Variants in PECAM1 observed in about 807,000 individuals in gnomAD.
PECAM1 encodes platelet endothelial cell adhesion molecule.
A neutral mutation model predicts 13.8 loss-of-function variants in PECAM1; 8 were observed. The observed-to-expected ratio is 0.58, with a 90% CI of 0.34 to 1.05. The LOEUF is 1.05. Among genes scored for constraint, PECAM1 ranks in the 50% least tolerant of loss-of-function variants. PECAM1 has a pLI of 0.03. For synonymous variants in PECAM1, 136 were observed against 52.6 expected, an observed-to-expected ratio of 2.58 and a Z score of -6.86; for missense variants, 304 against 141.2, an observed-to-expected ratio of 2.15 and a Z score of -5.84.
chr17:64,372,244 T>C (rs1204787485), intron 4 of PECAM1, among the ~76,000 whole-genome samples: 2 of 152,054 alleles, frequency 1.3e-5, no homozygotes, highest in African/African-American at 4.8e-5. Context: ...CCCTAATCTC[T>C]ATTTAAAAAA....
chr17:64,337,216 A>G (rs2035303696), intron 14 of PECAM1, among the ~76,000 whole-genome samples: 1 of 152,162 alleles, frequency 6.6e-6, no homozygotes, highest in Non-Finnish European at 1.5e-5. Context: ...TGGGCAGGTT[A>G]GAGACCTGGC....
intron 5 of PECAM1, among the ~76,000 whole-genome samples, chr17:64,368,508 C>T (rs1196760326): frequency 2.6e-5 from 4 of 152,066 alleles, no homozygotes; most frequent in Non-Finnish European, 4.4e-5. Context: ...ATAAAGTGGA[C>T]ATTCTTATGC....
At position 64,322,377 on chromosome 17, in the gene PECAM1, T is replaced by C; in HGVS notation, c.*1439A>G. The C allele has an allele frequency of 1.2e-5, 12 of 979,304 alleles. No individual in the cohort carries two copies. The highest frequency in any genetic ancestry group is 1.5e-5 in the Non-Finnish European group (12 of 824,024). 60.7% of individuals were successfully genotyped at this position (979,304 alleles called of 1,614,324 possible). A position where few individuals can be genotyped will look rare whatever the true frequency, so the allele number is the denominator to read the frequency against. ...GTCCAGCCCGGGCAACAAGAGCGAA[T>C]CTCCGTCTCAAAACAACAAAACAAA... On this transcript the variant is annotated 3_prime_UTR_variant, in exon 16 of 16. Coordinates refer to ENST00000563924, the MANE Select transcript of PECAM1 (RefSeq NM_000442.5).
At chr17:64,334,726 C>G (rs1405592922) in intron 14 of PECAM1, among the ~76,000 whole-genome samples, 24 of 152,124 alleles carry the variant, frequency 1.6e-4, no homozygotes, top group Non-Finnish European at 2.4e-4. Context: ...CCAGGATGGT[C>G]TCGATCTCCT....
chr17:64,349,192 A>C (rs951629775), intron 12 of PECAM1, among the ~76,000 whole-genome samples: 1 of 152,224 alleles, frequency 6.6e-6, no homozygotes, highest in Non-Finnish European at 1.5e-5. Context: ...AAGCTAGAAA[A>C]GTAGTTTGTC....
chr17:64,356,310 T>C lies in PECAM1; in HGVS notation c.1581A>G (p.Glu527=), dbSNP rs1447194356. 3 of 474,412 alleles carry C rather than the reference T, an allele frequency of 6.3e-6. No individual in the cohort carries two copies. The highest frequency in any genetic ancestry group is 6.0e-5 in the African/African-American group (3 of 50,378). The allele number at this position is 474,412 out of a possible 1,614,324, so 29.4% of individuals were successfully genotyped here. ...EDIVLQCAVN[E]GSGPITYKFY... is the part of the protein sequence containing the mutation. ...ACTTATAGGTGATGGGACCAGATCC[T>C]TCATTCACAGCACATTGCAGCACAA... The change falls in exon 8 of 16, where the codon GAA becomes GAG. Residue 527 remains glutamate, a synonymous_variant. Transcript: ENST00000563924.
intron 11 of PECAM1, among the ~76,000 whole-genome samples, chr17:64,351,890 C>A (rs1019296275): frequency 1.3e-5 from 2 of 152,186 alleles, no homozygotes; most frequent in Non-Finnish European, 2.9e-5. Context: ...GCTGAGCTGA[C>A]CCTGAAGCTA....
chr17:64,339,054 C>T (rs1436237964), intron 14 of PECAM1, among the ~76,000 whole-genome samples: 5 of 152,154 alleles, frequency 3.3e-5, no homozygotes, highest in African/African-American at 1.2e-4. Flanking sequence ...CCCTAGAATC[C>T]ACACTAAGGT....
rs1418541135 is a variant in PECAM1, at chr17:64,360,381, G to A, written c.1251C>T (p.Ala417=). 10 of 475,144 alleles carry A rather than the reference G, an allele frequency of 2.1e-5. No individual in the cohort carries two copies. Among genetic ancestry groups the A allele is most frequent in the African/African-American group, 2.0e-4 (10 of 50,474 alleles). The allele number at this position is 475,144 out of a possible 1,614,324, so 29.4% of individuals were successfully genotyped here. The stretch of plus-strand genomic sequence containing the variant: ...TCTGTCCTTTTATGACCTCAAACTG[G>A]GCATCATAAGAAATCCTGGGCTGGG... ...MLSQPRISYD[A]QFEVIKGQTI... Residue 417 remains alanine (A), a synonymous_variant, in exon 7 of 16, where the codon GCC becomes GCT. Transcript: ENST00000563924.
intron 2 of PECAM1, among the ~76,000 whole-genome samples, chr17:64,384,556 C>A (rs907534368): frequency 1.1e-4 from 16 of 152,210 alleles, no homozygotes; most frequent in Non-Finnish European, 1.3e-4. Flanking sequence ...GGAATGCCAG[C>A]AGTCATAGCA....
In PECAM1 at chr17:64,348,337, C is replaced by T. The variant is rs2035632607; in HGVS notation, c.2045-15G>A. The T allele has an allele frequency of 6.3e-6, 3 of 475,044 alleles. No individual in the cohort carries two copies. Among genetic ancestry groups the T allele is most frequent in the South Asian group, 6.7e-5 (1 of 14,884 alleles). The allele number at this position is 475,044 out of a possible 1,614,324, so 29.4% of individuals were successfully genotyped here. ...GTTCAGAGGCTCTGCTCAAAGAAAC[C>T]ACAGCAGCTTGTTGTTTAGGTGGAA... On this transcript the variant is annotated splice_polypyrimidine_tract_variant and intron_variant, in intron 12 of 15. Transcript: ENST00000563924.
chr17:64,356,799 A>G (rs2143796803), intron 7 of PECAM1, among the ~76,000 whole-genome samples: 2 of 152,092 alleles, frequency 1.3e-5, no homozygotes, highest in Non-Finnish European at 2.9e-5. Context: ...GCCACAGACA[A>G]TCTTGACCCA....
Position 64,369,983 on chromosome 17 carries a change from A to G in PECAM1, c.734T>C (p.Met245Thr). The G allele has an allele frequency of 2.5e-6, 1 of 398,604 alleles. No homozygotes were observed. Among genetic ancestry groups the G allele is most frequent in the Non-Finnish European group, 4.4e-6 (1 of 226,068 alleles). 24.7% of individuals were successfully genotyped at this position (398,604 alleles called of 1,614,324 possible). The change falls in exon 5 of 16, where the codon ATG becomes ACG. Residue 245 changes from methionine to threonine, a missense_variant. Met to Thr is a moderately conservative substitution (Grantham distance 81). Coordinates refer to ENST00000563924, the MANE Select transcript of PECAM1 (RefSeq NM_000442.5). Reference protein sequence around the residue: ...TPKFHISPTGMIMEGAQLHIK... With the variant: ...TPKFHISPTGTIMEGAQLHIK... ...GTGGAGCTGAGCTCCTTCCATGATC[A>G]TTCCGGTGGGGCTGATGTGGAACTT...
intron 15 of PECAM1, among the ~76,000 whole-genome samples, chr17:64,327,354 C>G (rs2034985686): frequency 6.6e-6 from 1 of 152,244 alleles, no homozygotes; most frequent in Non-Finnish European, 1.5e-5. Flanking sequence ...TAATAGGTTG[C>G]TCTTATCATC....
chr17:64,363,137 C>CA lies in PECAM1; in HGVS notation c.1216+11dup, dbSNP rs1307638873. The CA allele has an allele frequency of 6.3e-6, 3 of 475,300 alleles. No homozygotes were observed. Among genetic ancestry groups the CA allele is most frequent in the African/African-American group, 5.9e-5 (3 of 50,520 alleles). The allele number at this position is 475,300 out of a possible 1,614,324, so 29.4% of individuals were successfully genotyped here. A position where few individuals can be genotyped will look rare whatever the true frequency, so the allele number is the denominator to read the frequency against. ...CCCTGGATGTCCTCTGAGTCAGCAA[C>CA]AATATACTCACCACATACGACTATC... is the stretch of plus-strand genomic sequence containing the variant. On this transcript the variant is annotated intron_variant, in intron 6 of 15. Coordinates refer to ENST00000563924, the MANE Select transcript of PECAM1 (RefSeq NM_000442.5).
intron 8 of PECAM1, among the ~76,000 whole-genome samples, chr17:64,355,817 C>T (rs1479094124): frequency 6.6e-6 from 1 of 152,180 alleles, no homozygotes; most frequent in African/African-American, 2.4e-5. Flanking sequence ...CCCTTGGCTA[C>T]AGGTGGTCTG....
In PECAM1 at chr17:64,321,899, G is replaced by A; in HGVS notation, c.*1917C>T. 1.5e-6 allele frequency: 2 copies of A among 1,346,096 alleles called. No homozygotes were observed. Among genetic ancestry groups the A allele is most frequent in the Non-Finnish European group, 2.0e-6 (2 of 1,016,852 alleles). The allele number at this position is 1,346,096 out of a possible 1,614,324, so 83.4% of individuals were successfully genotyped here. ...GGACTAAGGAACTCCCTGGACACAGGGGATCTGGCTGTCCCCAGATCATCA... is the reference window on the plus strand; with the variant it reads ...GGACTAAGGAACTCCCTGGACACAGAGGATCTGGCTGTCCCCAGATCATCA... On this transcript the variant is annotated 3_prime_UTR_variant, in exon 16 of 16. Transcript: ENST00000563924.
chr17:64,371,372 T>C (rs933595250), intron 4 of PECAM1, among the ~76,000 whole-genome samples: 2 of 152,038 alleles, frequency 1.3e-5, no homozygotes, highest in Non-Finnish European at 2.9e-5. Context: ...AAATAGCTAA[T>C]CAATTTATTA....
chr17:64,344,321 C>T (rs1237260974), intron 13 of PECAM1, among the ~76,000 whole-genome samples: 1 of 152,072 alleles, frequency 6.6e-6, no homozygotes, highest in Non-Finnish European at 1.5e-5. Flanking sequence ...GCAGCAGCTG[C>T]TTGCTAATGA....
Sources: gnomAD v4.1 joint callset for allele counts (sites outside exome capture counted in the v4.1 genomes callset) on GRCh38, gnomAD v4.1.1 for gene constraint, MANE v1.5 for transcripts, NCBI Gene and HGNC (gene_info 2026-07-23, HGNC 2026-07-21) for gene names.